GPR158: variants seen among roughly 807,000 people sequenced by gnomAD.
GPR158 encodes metabotropic glycine receptor.
A neutral mutation model predicts 78.2 loss-of-function variants in GPR158; 30 were observed. That is an observed-to-expected ratio of 0.38 (90% CI 0.29 to 0.52). The LOEUF is 0.52. Among genes scored for constraint, GPR158 ranks in the 20% least tolerant of loss-of-function variants. GPR158 has a pLI of 0.83. For synonymous variants in GPR158, 581 were observed against 591.1 expected (o/e 0.98, Z 0.25); for missense variants, 1,463 against 1,523.5 (o/e 0.96, Z 0.66).
intron 4 of GPR158, among the ~76,000 whole-genome samples, chr10:25,428,385 T>C (rs1834851827): frequency 6.6e-6 from 1 of 152,030 alleles, no homozygotes; most frequent in African/African-American, 2.4e-5. Context: ...AGATCCAAAC[T>C]CTTCGTTAAT....
intron 4 of GPR158, among the ~76,000 whole-genome samples, chr10:25,433,547 T>TGTGTTGTGTGTGTGTTGTGTGTG (rs67750453): frequency 2.1e-5 from 2 of 96,330 alleles, no homozygotes; most frequent in African/African-American, 5.6e-5. Context: ...TGTGTGTGTG[T>TGTGTTGTGTGTGTGTTGTGTGTG]TGTGTGTGTG....
Position 25,600,868 on chromosome 10 carries a change from G to T in GPR158, c.*1594G>T, listed in dbSNP as rs992318836. ...CTTGGCATGGGAATCCTAAGCTGCC[G>T]ACTAAGCCCTACCGACATGATCATG... On this transcript the variant is annotated 3_prime_UTR_variant, in exon 11 of 11. Transcript: ENST00000376351. The T allele has an allele frequency of 6.6e-6, 1 of 152,076 alleles. No homozygotes were observed. Among genetic ancestry groups the T allele is most frequent in the Non-Finnish European group, 1.5e-5 (1 of 68,014 alleles). 9.4% of individuals were successfully genotyped at this position (152,076 alleles called of 1,614,324 possible).
chr10:25,186,409 C>T (rs748585875), intron 1 of GPR158, among the ~76,000 whole-genome samples: 6 of 152,186 alleles, frequency 3.9e-5, no homozygotes, highest in Non-Finnish European at 8.8e-5. Flanking sequence ...ACAAAAAACC[C>T]TTCAAAAAAT....
At position 25,372,103 on chromosome 10, in the gene GPR158, A is replaced by G. The variant is rs867158996; in HGVS notation, c.1009-23808A>G. ...TTTATGCAGCCAAAAAACACATGAA[A>G]AAAATGCTCATCATCACTGGCCATC... On this transcript the variant is annotated intron_variant, in intron 2 of 10. Coordinates refer to ENST00000376351, the MANE Select transcript of GPR158 (RefSeq NM_020752.3). Among the ~76,000 whole-genome samples, 5 of 150,972 alleles carry G rather than the reference A, an allele frequency of 3.3e-5. No individual in the cohort carries two copies. In the South Asian group the frequency reaches 8.4e-4, roughly 25 times the overall value.
intron 4 of GPR158, among the ~76,000 whole-genome samples, chr10:25,461,765 C>T (rs1026739981): frequency 7.1e-6 from 1 of 141,778 alleles, no homozygotes; most frequent in African/African-American, 2.7e-5. Flanking sequence ...TGGAGTCTTG[C>T]TCTGTTGCCC....
At chr10:25,265,293 G>A (rs1013137844) in intron 2 of GPR158, among the ~76,000 whole-genome samples, 5 of 152,104 alleles carry the variant, frequency 3.3e-5, no homozygotes, top group African/African-American at 1.2e-4. Context: ...TTTATTACTA[G>A]CATAAAACAT....
chr10:25,355,471 A>G (rs1431085110), intron 2 of GPR158, among the ~76,000 whole-genome samples: 1 of 152,064 alleles, frequency 6.6e-6, no homozygotes, highest in Non-Finnish European at 1.5e-5. Context: ...TAAAAGTGCT[A>G]TTTTGAATTC....
At chr10:25,213,012 C>T (rs1853156632) in intron 1 of GPR158, among the ~76,000 whole-genome samples, 2 of 152,040 alleles carry the variant, frequency 1.3e-5, no homozygotes, top group Admixed American at 1.3e-4. Context: ...AATGCCAGTG[C>T]TTTTTGTTCT....
intron 4 of GPR158, among the ~76,000 whole-genome samples, chr10:25,462,003 G>A (rs868716511): frequency 2.0e-5 from 3 of 152,052 alleles, no homozygotes; most frequent in South Asian, 2.1e-4. Context: ...GCCTCCCAAC[G>A]TGCTGGGATT....
chr10:25,392,572 T>C lies in GPR158; in HGVS notation c.1009-3339T>C, dbSNP rs181329889. ...TATCAAAGGCTACTCATGGAGCAGC[T>C]ACCCTCATGGAGGAGAAACAAGTGC... is the stretch of plus-strand genomic sequence containing the variant. On this transcript the variant is annotated intron_variant, in intron 2 of 10. Coordinates refer to ENST00000376351, the MANE Select transcript of GPR158 (RefSeq NM_020752.3). 4.6e-5 allele frequency among the ~76,000 whole-genome samples: 7 copies of C among 152,358 alleles called. No homozygotes were observed. The East Asian group carries it at 9.6e-4, about 21-fold the overall frequency.
chr10:25,389,124 G>C (rs897293559), intron 2 of GPR158, among the ~76,000 whole-genome samples: 1 of 152,232 alleles, frequency 6.6e-6, no homozygotes, highest in African/African-American at 2.4e-5. Flanking sequence ...AAGATCCTGG[G>C]AAGAAGAGGG....
At chr10:25,209,310 T>C (rs2130667019) in intron 1 of GPR158, among the ~76,000 whole-genome samples, 1 of 152,372 alleles carries the variant, frequency 6.6e-6, no homozygotes, top group South Asian at 2.1e-4. Context: ...ATGATCTGTG[T>C]CTGCTTACTG....
At chr10:25,254,045 A>G (rs1043982114) in intron 2 of GPR158, among the ~76,000 whole-genome samples, 4 of 152,162 alleles carry the variant, frequency 2.6e-5, no homozygotes, top group East Asian at 1.9e-4. Context: ...AGCTTTGACT[A>G]TTGTATACAA....
chr10:25,539,259 A>T (rs913609160), intron 5 of GPR158, among the ~76,000 whole-genome samples: 2 of 152,130 alleles, frequency 1.3e-5, no homozygotes, highest in Non-Finnish European at 2.9e-5. Flanking sequence ...AGGATTTTTT[A>T]AATTTGATCT....
At chr10:25,308,190 G>A (rs1854710126) in intron 2 of GPR158, among the ~76,000 whole-genome samples, 1 of 152,020 alleles carries the variant, frequency 6.6e-6, no homozygotes, top group African/African-American at 2.4e-5. Flanking sequence ...TACATGTGTA[G>A]GTTTGTTACA....
At chr10:25,275,104 T>G (rs1854166721) in intron 2 of GPR158, among the ~76,000 whole-genome samples, 1 of 152,340 alleles carries the variant, frequency 6.6e-6, no homozygotes, top group Admixed American at 6.5e-5. Context: ...GATCATGTGC[T>G]GGGATTTTGG....
At chr10:25,587,841 G>C (rs1837291242) in intron 7 of GPR158, among the ~76,000 whole-genome samples, 1 of 152,198 alleles carries the variant, frequency 6.6e-6, no homozygotes, top group South Asian at 2.1e-4. Flanking sequence ...GAAATATACT[G>C]AAACTTTGGC....
chr10:25,415,755 C>T (rs1472992540), intron 4 of GPR158, among the ~76,000 whole-genome samples: 1 of 151,980 alleles, frequency 6.6e-6, no homozygotes, highest in East Asian at 1.9e-4. Context: ...TTACAAAAGA[C>T]CACATATTGT....
chr10:25,392,742 A>G (rs1317535176), intron 2 of GPR158, among the ~76,000 whole-genome samples: 1 of 152,146 alleles, frequency 6.6e-6, no homozygotes, highest in Non-Finnish European at 1.5e-5. Context: ...GGTAACAGAG[A>G]TGAAGTAGCG....
Sources: allele counts gnomAD v4.1 joint callset (sites outside exome capture counted in the v4.1 genomes callset), GRCh38; gene constraint gnomAD v4.1.1; transcripts MANE v1.5; gene names NCBI Gene and HGNC (gene_info 2026-07-23, HGNC 2026-07-21).